The following RTEL1 variants were observed in gnomAD, a reference collection of about 807,000 sequenced individuals.
RTEL1 encodes the protein regulator of telomere length.
In RTEL1, 86 loss-of-function variants were observed where a neutral mutation model predicts 162.2. That is an observed-to-expected ratio of 0.53 (90% CI 0.45 to 0.63). The LOEUF (loss-of-function observed/expected upper bound fraction) is 0.63, where lower values mean the gene tolerates loss of function less well. Among genes scored for constraint, RTEL1 ranks in the 30% least tolerant of loss-of-function variants. RTEL1 has a pLI of 0.00. For synonymous variants in RTEL1, 958 were observed against 717.9 expected (o/e 1.33, Z -5.35); for missense variants, 1,941 against 1,750.2 (o/e 1.11, Z -1.95).
At chr20:63,662,956 T>C (rs1414669641) in intron 6 of RTEL1, 67 bp downstream of exon 6, 3 of 1,479,906 alleles carry the variant, frequency 2.0e-6, no homozygotes, top group Non-Finnish European at 2.8e-6. Flanking sequence ...TGGAGCTCAG[T>C]GGTGTCACAG....
Position 63,690,961 on chromosome 20 carries a change from G to A in RTEL1, c.2556+14G>A, listed in dbSNP as rs1176602345. On this transcript the variant is annotated intron_variant, in intron 27 of 34. Transcript: ENST00000360203. The stretch of plus-strand genomic sequence containing the variant: ...GGCGAGGAGCAGGTACAGTTCCAGG[G>A]CCTTGGGATGGACACAGACCCTCTG... 1.4e-5 allele frequency: 21 copies of A among 1,544,514 alleles called. No homozygotes were observed. In the South Asian group the frequency reaches 2.4e-4, roughly 18 times the overall value.
chr20:63,664,337 A>G (rs1026895110), intron 6 of RTEL1, among the ~76,000 whole-genome samples: 1 of 152,164 alleles, frequency 6.6e-6, no homozygotes. Flanking sequence ...TTGGGATAGC[A>G]TGGAACGCTG....
At chr20:63,690,984 CTG>C in intron 27 of RTEL1, 37 bp downstream of exon 27, 1 of 1,527,308 alleles carries the variant, frequency 6.5e-7, no homozygotes, top group Non-Finnish European at 8.8e-7. Context: ...CACAGACCCT[CTG>C]TCTCCTGAGG....
chr20:63,684,433 A>G (rs540722962), intron 14 of RTEL1, among the ~76,000 whole-genome samples: 1 of 152,238 alleles, frequency 6.6e-6, no homozygotes, highest in Non-Finnish European at 1.5e-5. Flanking sequence ...GGCTCACTGC[A>G]AGCTCCGCCT....
In RTEL1 at chr20:63,695,205, C is replaced by T. The variant is rs1388446490; in HGVS notation, c.3483C>T (p.His1161=). The change falls in exon 33 of 35, where the codon CAC becomes CAT. Residue 1161 remains histidine, a synonymous_variant. Transcript: ENST00000360203. ...TTGCCGTGCCTCCTGTGCTTACCCA[C>T]AGGGCTCCCCAACCAGGTAGGGCAC... ...ERLAVPPVLT[H]RAPQPGPSRS... 6.2e-7 allele frequency: 1 copy of T among 1,612,056 alleles called. No individual in the cohort carries two copies.
intron 33 of RTEL1, 23 bp downstream of exon 33, chr20:63,695,244 C>T (rs200008904): frequency 7.1e-5 from 114 of 1,608,954 alleles, no homozygotes; most frequent in Non-Finnish European, 9.3e-5. Flanking sequence ...CCTGGCTGCT[C>T]CTGGCAGCGC....
chr20:63,694,697 C>G, intron 31 of RTEL1, 44 bp from the exon 32 acceptor site: 7 of 1,498,266 alleles, frequency 4.7e-6, no homozygotes, highest in Non-Finnish European at 6.3e-6. Context: ...GACTCTCAGT[C>G]CTCCACCCCA....
chr20:63,690,635 C>G (rs918564253), intron 26 of RTEL1, among the ~76,000 whole-genome samples, 170 bp from the exon 27 acceptor site: 9 of 152,078 alleles, frequency 5.9e-5, no homozygotes, highest in African/African-American at 2.2e-4. Context: ...GCAGAGAACG[C>G]CCCAGGCAAG....
intron 30 of RTEL1, 58 bp from the exon 31 acceptor site, chr20:63,694,314 C>A: frequency 8.3e-7 from 1 of 1,206,042 alleles, no homozygotes; most frequent in Non-Finnish European, 1.2e-6. Flanking sequence ...GCCCCCCCAC[C>A]CCAGGGAACT....
chr20:63,681,515 T>A, intron 14 of RTEL1: 1 of 984,278 alleles, frequency 1.0e-6, no homozygotes, highest in Non-Finnish European at 1.2e-6. Context: ...CCCAGCGCTA[T>A]GACAGCTTCA....
intron 30 of RTEL1, among the ~76,000 whole-genome samples, chr20:63,694,075 A>T (rs538392838): frequency 2.0e-4 from 31 of 152,050 alleles, no homozygotes; most frequent in Non-Finnish European, 3.8e-4. Flanking sequence ...GCCTGTTGGG[A>T]CGACCCCAGA....
intron 30 of RTEL1, among the ~76,000 whole-genome samples, chr20:63,693,487 CCACCT>C (rs2090845330): frequency 1.1e-5 from 1 of 93,644 alleles, no homozygotes; most frequent in Non-Finnish European, 2.2e-5. Context: ...ACCTCCACCA[CCACCT>C]CCACCTCCAC....
intron 27 of RTEL1, among the ~76,000 whole-genome samples, 160 bp from the exon 28 acceptor site, chr20:63,691,582 A>G (rs1039322161): frequency 1.4e-4 from 22 of 152,120 alleles, no homozygotes; most frequent in African/African-American, 9.7e-5. Context: ...GACAGGACCA[A>G]GTTGTGGCAC....
chr20:63,679,514 C>T lies in RTEL1; in HGVS notation c.1038-335C>T, dbSNP rs575932348. On this transcript the variant is annotated intron_variant, in intron 12 of 34. Transcript: ENST00000360203. ...TCTGACGGCGGCCCCTGCTCTGAGG[C>T]GGCTTCTTTTCCTCGGTGCTGTTCT... is the stretch of plus-strand genomic sequence containing the variant. Among the ~76,000 whole-genome samples, 13 of 152,226 alleles carry T rather than the reference C, an allele frequency of 8.5e-5. No individual in the cohort carries two copies. In the East Asian group the frequency reaches 1.5e-3, roughly 18 times the overall value.
chr20:63,667,939 A>C lies in RTEL1; in HGVS notation c.699+386A>C, dbSNP rs115784612. Among the ~76,000 whole-genome samples, 704 of 105,444 alleles carry C rather than the reference A, an allele frequency of 6.7e-3. 5 individuals carry two copies. Among genetic ancestry groups the C allele is most frequent in the African/African-American group, 0.025 (661 of 26,750 alleles). 69.2% of individuals were successfully genotyped at this position (105,444 alleles called of 152,430 possible). A position where few individuals can be genotyped will look rare whatever the true frequency, so the allele number is the denominator to read the frequency against. ...CCAGCGCGTGCCCGGCCCCACACTC[A>C]CTCCCCCTCCCAGCATGTGCCCGGC... On this transcript the variant is annotated intron_variant, in intron 8 of 34. Coordinates refer to ENST00000360203, the MANE Select transcript of RTEL1 (RefSeq NM_001283009.2).
intron 4 of RTEL1, 148 bp from the exon 5 acceptor site, chr20:63,662,398 C>G (rs1221888454): frequency 1.3e-6 from 2 of 1,515,002 alleles, no homozygotes; most frequent in Non-Finnish European, 1.8e-6. Context: ...TCTTCTAGCT[C>G]CCTCCTACGC....
chr20:63,690,139 G>A lies in RTEL1; in HGVS notation c.2194G>A (p.Val732Ile), dbSNP rs142039934. The A allele has an allele frequency of 2.5e-6, 4 of 1,612,520 alleles. No homozygotes were observed. The highest frequency in any genetic ancestry group is 1.1e-5 in the South Asian group (1 of 91,088). ...ACTGCCCTCCTGGGTGCGTCCCCACGTCAGGGTGTATGACAACTTTGGCCA... is the reference window on the plus strand; with the variant it reads ...ACTGCCCTCCTGGGTGCGTCCCCACATCAGGGTGTATGACAACTTTGGCCA... ...AQLPSWVRPHVRVYDNFGHVI... is the reference protein window; with the variant it reads ...AQLPSWVRPHIRVYDNFGHVI... The change falls in exon 25 of 35, where the codon GTC becomes ATC. Residue 732 changes from valine (V) to isoleucine (I), a missense_variant. Transcript: ENST00000360203.
At chr20:63,674,902 TTTTC>T (rs1356926319) in intron 10 of RTEL1, among the ~76,000 whole-genome samples, 6 of 151,894 alleles carry the variant, frequency 4.0e-5, no homozygotes, top group Non-Finnish European at 5.9e-5. Context: ...TTGGTCTATA[TTTTC>T]TTTCTTTTTT....
intron 14 of RTEL1, 142 bp from the exon 15 acceptor site, chr20:63,685,381 T>C: frequency 1.2e-6 from 1 of 818,448 alleles, no homozygotes; most frequent in Non-Finnish European, 1.9e-6. Flanking sequence ...CTCCTGTCCA[T>C]TGGCCTGGGG....
Sources: allele counts gnomAD v4.1 joint callset (sites outside exome capture counted in the v4.1 genomes callset), GRCh38; gene constraint gnomAD v4.1.1; transcripts MANE v1.5; gene names NCBI Gene and HGNC (gene_info 2026-07-23, HGNC 2026-07-21).